Variants in FAM83E observed in about 807,000 individuals in gnomAD.
FAM83E encodes scaffolding CK1 anchoring protein E, also known as protein FAM83E.
In FAM83E, 29 loss-of-function variants were observed where a neutral mutation model predicts 34.3. That is an observed-to-expected ratio of 0.85 (90% CI 0.63 to 1.15). The LOEUF is 1.15. Ranked by LOEUF, FAM83E falls within the 50% of genes most tolerant of loss-of-function variation. The probability of loss-of-function intolerance (pLI) is 0.00; values close to 1 mark genes in which losing one functional copy is unlikely to be tolerated. For synonymous variants in FAM83E, 312 were observed against 311.6 expected, an observed-to-expected ratio of 1.00 and a Z score of -0.01; for missense variants, 697 against 685.0, an observed-to-expected ratio of 1.02 and a Z score of -0.20.
At chr19:48,612,844 G>A in intron 3 of FAM83E, 64 bp downstream of exon 3, 2 of 1,464,936 alleles carry the variant, frequency 1.4e-6, no homozygotes, top group South Asian at 1.4e-5. Context: ...GGAGGACAAG[G>A]GAGAGAATGC....
At position 48,613,927 on chromosome 19, in the gene FAM83E, C is replaced by T. The variant is rs1215144573; in HGVS notation, c.-555G>A. 1.0e-6 allele frequency: 1 copy of T among 985,308 alleles called. No homozygotes were observed. Among genetic ancestry groups the T allele is most frequent in the Non-Finnish European group, 1.2e-6 (1 of 829,916 alleles). The allele number at this position is 985,308 out of a possible 1,614,324, so 61.0% of individuals were successfully genotyped here. ...TTGCCTGCCTGCCCCCGGCCAAGAG[C>T]ACGACGAACTGACCCTCTCCTTCCA... On this transcript the variant is annotated 5_prime_UTR_variant, in exon 3 of 7. Transcript: ENST00000263266.
At chr19:48,602,508 C>G (rs1168714799) in intron 6 of FAM83E, among the ~76,000 whole-genome samples, 3 of 150,176 alleles carry the variant, frequency 2.0e-5, no homozygotes, top group Non-Finnish European at 3.0e-5. Context: ...CATCTGCCAG[C>G]CGGGATCAAA....
intron 6 of FAM83E, among the ~76,000 whole-genome samples, chr19:48,602,128 C>T (rs556880459): frequency 2.8e-4 from 29 of 103,470 alleles, no homozygotes; most frequent in African/African-American, 4.6e-4. Flanking sequence ...GGAGACAGAG[C>T]GAGACCCTAT....
At position 48,613,950 on chromosome 19, in the gene FAM83E, C is replaced by T; in HGVS notation, c.-578G>A. ...AGCACGACGAACTGACCCTCTCCTT[C>T]CACTGTCTGGCAAACGCCAATGGCT... On this transcript the variant is annotated 5_prime_UTR_variant, in exon 3 of 7. It introduces an in-frame stop codon into an upstream open reading frame of the 5' UTR. Transcript: ENST00000263266. 1.0e-6 allele frequency: 1 copy of T among 985,464 alleles called. No individual in the cohort carries two copies. The highest frequency in any genetic ancestry group is 1.2e-6 in the Non-Finnish European group (1 of 829,942). 61.0% of individuals were successfully genotyped at this position (985,464 alleles called of 1,614,324 possible).
At chr19:48,607,749 T>C (rs1601127995) in intron 5 of FAM83E, 1 of 171,694 alleles carries the variant, frequency 5.8e-6, no homozygotes, top group Non-Finnish European at 1.3e-5. Flanking sequence ...TCTTTTCCTT[T>C]TTTTTTTTTT....
chr19:48,610,455 C>T (rs1245256413), intron 4 of FAM83E, among the ~76,000 whole-genome samples: 1 of 149,900 alleles, frequency 6.7e-6, no homozygotes, highest in East Asian at 2.0e-4. Context: ...CTTAGAGCCA[C>T]TGATATCAAC....
intron 5 of FAM83E, chr19:48,607,493 AC>A: frequency 8.4e-7 from 1 of 1,193,484 alleles, no homozygotes; most frequent in South Asian, 1.6e-5. Context: ...AAGGCTGTCC[AC>A]CAGGAGCCCG....
chr19:48,611,170 G>GTTTTT (rs1352374027), intron 3 of FAM83E, among the ~76,000 whole-genome samples: 1 of 125,726 alleles, frequency 8.0e-6, no homozygotes, highest in African/African-American at 2.8e-5. Context: ...GTTGTTTTTT[G>GTTTTT]TTGTTTTTTT....
intron 5 of FAM83E, among the ~76,000 whole-genome samples, chr19:48,604,383 T>G (rs1973889230): frequency 7.3e-6 from 1 of 136,698 alleles, no homozygotes; most frequent in East Asian, 2.2e-4. Flanking sequence ...CAGGCTGGAG[T>G]GTAGTGGCAT....
Position 48,614,592 on chromosome 19 carries a change from C to A in FAM83E, c.-1220G>T. ...AAGCCCTTCATTCCAATCCCACCAA[C>A]CCAGGCCGCTGCTTCCTCCAGACCA... is the stretch of plus-strand genomic sequence containing the variant. On this transcript the variant is annotated 5_prime_UTR_variant, in exon 3 of 7. Coordinates refer to ENST00000263266, the MANE Select transcript of FAM83E (RefSeq NM_017708.4). The A allele has an allele frequency of 1.0e-6, 1 of 986,338 alleles. No individual in the cohort carries two copies. The highest frequency in any genetic ancestry group is 1.2e-6 in the Non-Finnish European group (1 of 830,662). The allele number at this position is 986,338 out of a possible 1,614,324, so 61.1% of individuals were successfully genotyped here.
intron 6 of FAM83E, among the ~76,000 whole-genome samples, chr19:48,602,867 A>ATTT (rs942370511): frequency 1.6e-5 from 2 of 124,262 alleles, no homozygotes; most frequent in African/African-American, 6.1e-5. Context: ...TATTATTATT[A>ATTT]TTTTGAGACA....
chr19:48,601,305 C>G lies in FAM83E; in HGVS notation c.1241G>C (p.Gly414Ala). The change falls in exon 7 of 7, where the codon GGA (glycine) becomes GCA (alanine). Residue 414 changes from glycine (G) to alanine (A), a missense_variant. Transcript: ENST00000263266. ...AKALMRQRGT[G>A]GGPWGEVDSR... ...GTCCACTTCCCCCCAGGGGCCTCCT[C>G]CAGTGCCCCGCTGCCTCATCAGAGC... 1.3e-6 allele frequency: 2 copies of G among 1,572,918 alleles called. No individual in the cohort carries two copies. The highest frequency in any genetic ancestry group is 1.7e-6 in the Non-Finnish European group (2 of 1,158,636).
intron 4 of FAM83E, 132 bp downstream of exon 4, chr19:48,610,548 G>C: frequency 9.0e-7 from 1 of 1,106,014 alleles, no homozygotes; most frequent in Non-Finnish European, 1.3e-6. Flanking sequence ...CAGTGCTGTG[G>C]GCATCAGATC....
chr19:48,603,830 C>T lies in FAM83E; in HGVS notation c.840G>A (p.Glu280=). ...AGGAGGCCGCGTACAGCGTCCGGAA[C>T]TCAAGGCTGAAGGCGTCAACAATTT... The part of the protein sequence containing the change: ...TGEIVDAFSL[E]FRTLYAASCP... The change falls in exon 6 of 7, where the codon GAG becomes GAA. Residue 280 remains glutamate, a synonymous_variant. Coordinates refer to ENST00000263266, the MANE Select transcript of FAM83E (RefSeq NM_017708.4). The T allele has an allele frequency of 6.2e-7, 1 of 1,608,690 alleles. No homozygotes were observed. The highest frequency in any genetic ancestry group is 1.1e-5 in the South Asian group (1 of 90,276).
chr19:48,611,173 GTTT>G (rs1023963245), intron 3 of FAM83E, among the ~76,000 whole-genome samples: 2 of 142,632 alleles, frequency 1.4e-5, no homozygotes, highest in Non-Finnish European at 3.1e-5. Flanking sequence ...GTTTTTTGTT[GTTT>G]TTTTTTTTTT....
At chr19:48,611,370 G>A (rs1458181309) in intron 3 of FAM83E, among the ~76,000 whole-genome samples, 6 of 149,624 alleles carry the variant, frequency 4.0e-5, no homozygotes, top group Non-Finnish European at 8.9e-5. Context: ...GGCTTTCACC[G>A]TGTTAGCCAG....
intron 6 of FAM83E, among the ~76,000 whole-genome samples, chr19:48,601,629 G>T (rs1973817313): frequency 1.3e-5 from 2 of 152,104 alleles, no homozygotes; most frequent in Non-Finnish European, 2.9e-5. Context: ...GCCTGAGGTG[G>T]TGGTGGGCGC....
rs948888817 is a variant in FAM83E, at chr19:48,600,916, G to A, written c.*193C>T. ...AACCCTCCCACCTTAGCCTCCCAAAGTGCAGGGATTACAGGCATGAGCCAC... is the reference window on the plus strand; with the variant it reads ...AACCCTCCCACCTTAGCCTCCCAAAATGCAGGGATTACAGGCATGAGCCAC... On this transcript the variant is annotated 3_prime_UTR_variant, in exon 7 of 7. Coordinates refer to ENST00000263266, the MANE Select transcript of FAM83E (RefSeq NM_017708.4). 3.1e-6 allele frequency: 4 copies of A among 1,274,478 alleles called. No homozygotes were observed. The South Asian group carries it at 7.2e-5, about 23-fold the overall frequency. 78.9% of individuals were successfully genotyped at this position (1,274,478 alleles called of 1,614,324 possible). A position where few individuals can be genotyped will look rare whatever the true frequency, so the allele number is the denominator to read the frequency against.
In FAM83E at chr19:48,604,728, C is replaced by CA. The variant is rs368012850; in HGVS notation, c.759-818dup. The stretch of plus-strand genomic sequence containing the variant: ...GACCCTGTCCCCCTCGCCCCCCTCC[C>CA]AAAAAAAAAAAAGCCAGATGCGGTG... On this transcript the variant is annotated intron_variant, in intron 5 of 6. Coordinates refer to ENST00000263266, the MANE Select transcript of FAM83E (RefSeq NM_017708.4). 2.2e-3 allele frequency among the ~76,000 whole-genome samples: 293 copies of CA among 135,430 alleles called. 1 individual carries two copies. The highest frequency in any genetic ancestry group is 2.8e-3 in the Non-Finnish European group (176 of 62,678). The allele number at this position is 135,430 out of a possible 152,430, so 88.8% of individuals were successfully genotyped here.
Sources: allele counts gnomAD v4.1 joint callset (sites outside exome capture counted in the v4.1 genomes callset), GRCh38; gene constraint gnomAD v4.1.1; transcripts MANE v1.5; gene names NCBI Gene and HGNC (gene_info 2026-07-23, HGNC 2026-07-21).